CDKN2A: variants seen among roughly 807,000 people sequenced by gnomAD.
The protein encoded by CDKN2A is cyclin dependent kinase inhibitor 2A.
A neutral mutation model predicts 11.1 loss-of-function variants in CDKN2A; 3 were observed. The ratio of observed to expected loss-of-function variants is 0.27; its 90% CI spans 0.12 to 0.70. CDKN2A has a LOEUF of 0.70. CDKN2A is among the 30% of genes least tolerant of loss of function. The pLI is 0.77. For missense variants in CDKN2A, 265 were observed against 233.6 expected (o/e 1.13, Z -0.88); for synonymous variants, 122 against 108.1 (o/e 1.13, Z -0.80).
At position 21,971,500 on chromosome 9, in the gene CDKN2A, T is replaced by C. The variant is rs374415318; in HGVS notation, c.151-292A>G. The C allele has an allele frequency of 3.5e-5, 20 of 574,204 alleles. No individual in the cohort carries two copies. In the African/African-American group the frequency reaches 3.8e-4, roughly 11 times the overall value. 35.6% of individuals were successfully genotyped at this position (574,204 alleles called of 1,614,324 possible). A position where few individuals can be genotyped will look rare whatever the true frequency, so the allele number is the denominator to read the frequency against. On this transcript the variant is annotated intron_variant, in intron 1 of 2. Transcript: ENST00000304494. ...GGGGCAGGGACAGACTGACTTTTAC[T>C]CCAGGCTAACTTCCTGTATTTCCCC...
At position 21,968,770 on chromosome 9, in the gene CDKN2A, T is replaced by C; in HGVS notation, c.458-528A>G. 1.3e-6 allele frequency: 2 copies of C among 1,536,046 alleles called. No individual in the cohort carries two copies. The highest frequency in any genetic ancestry group is 1.7e-6 in the Non-Finnish European group (2 of 1,146,888). On this transcript the variant is annotated intron_variant, in intron 2 of 2. Transcript: ENST00000304494. This position sits in a 1 kb window ranked among gnomAD's most constrained non-coding sequence, Gnocchi z 4.7. ...AAACCCACAAATGGTTTCCGATCAT[T>C]TCTGAAACAAAATGGATGCTCATTT...
chr9:21,973,114 G>T (rs1388932967), intron 1 of CDKN2A, among the ~76,000 whole-genome samples: 4 of 152,098 alleles, frequency 2.6e-5, no homozygotes, highest in Admixed American at 2.0e-4. Flanking sequence ...ATTCAATGAA[G>T]TCCTTCGTCT....
At chr9:21,969,792 A>T (rs754174169) in intron 2 of CDKN2A, 1 of 397,404 alleles carries the variant, frequency 2.5e-6, no homozygotes, top group Non-Finnish European at 4.4e-6. Context: ...TGCTAGCTGT[A>T]ACTGGAGGGA....
At chr9:21,992,759 G>T (rs946552234) in intron 2 of CDKN2A, among the ~76,000 whole-genome samples, 4 of 151,506 alleles carry the variant, frequency 2.6e-5, no homozygotes, top group African/African-American at 7.3e-5. Flanking sequence ...TTTTTATATA[G>T]ACAATAATAT....
At position 21,988,599 on chromosome 9, in the gene CDKN2A, G is replaced by C. The variant is rs370637745; in HGVS notation, c.-4+5283C>G. Among the ~76,000 whole-genome samples the C allele has an allele frequency of 3.1e-4, 47 of 152,194 alleles. No homozygotes were observed. Among genetic ancestry groups the C allele is most frequent in the African/African-American group, 1.1e-3 (45 of 41,510 alleles). On this transcript the variant is annotated intron_variant, in intron 2 of 3. Transcript: ENST00000494262. The surrounding 1 kb of genome is among the most constrained non-coding windows in gnomAD (Gnocchi z 4.1). The stretch of plus-strand genomic sequence containing the variant: ...GAACAATAGACATTGGGGACTACTA[G>C]ATGGAGGAGAAAGGGAATGAGCGAG...
rs34968276 is a variant in CDKN2A, at chr9:21,971,110, G to A, written c.249C>T (p.His83=). The A allele has an allele frequency of 1.2e-6, 2 of 1,604,460 alleles. No homozygotes were observed. Among genetic ancestry groups the A allele is most frequent in the African/African-American group, 1.3e-5 (1 of 75,028 alleles). ...ADPATLTRPV[H]DAAREGFLDT... Reference sequence around the variant, plus strand: ...CCAGGAAGCCCTCCCGGGCAGCGTCGTGCACGGGTCGGGTGAGAGTGGCGG... The same window carrying A: ...CCAGGAAGCCCTCCCGGGCAGCGTCATGCACGGGTCGGGTGAGAGTGGCGG... The change falls in exon 2 of 3, where the codon CAC becomes CAT. Residue 83 remains histidine, a synonymous_variant. Transcript: ENST00000304494.
chr9:21,978,357 C>G (rs1820091426), upstream of CDKN2A, among the ~76,000 whole-genome samples: 1 of 151,896 alleles, frequency 6.6e-6, no homozygotes, highest in African/African-American at 2.4e-5. Flanking sequence ...CATTATACTC[C>G]CAGTTTACTC....
intron 1 of CDKN2A, chr9:21,994,425 A>G: frequency 3.8e-6 from 6 of 1,594,456 alleles, no homozygotes; most frequent in Non-Finnish European, 4.3e-6. Flanking sequence ...TTAACTGCAG[A>G]CTGGGACCCA....
intron 1 of CDKN2A, chr9:21,994,517 C>CCCCCA (rs1434133554): frequency 3.7e-6 from 5 of 1,339,396 alleles, no homozygotes; most frequent in African/African-American, 1.6e-5. Flanking sequence ...TTCACCCCCA[C>CCCCCA]CCCCACCCCA....
At chr9:21,976,844 C>G (rs1396030369), upstream of CDKN2A, among the ~76,000 whole-genome samples, 1 of 152,210 alleles carries the variant, frequency 6.6e-6, no homozygotes, top group Non-Finnish European at 1.5e-5. Context: ...GTATAACAAG[C>G]GCAAGGAGGT....
In CDKN2A at chr9:21,981,122, GTGTA is replaced by G. The variant is rs373080764; in HGVS notation, c.-3-9918_-3-9915del. 1.3e-3 allele frequency among the ~76,000 whole-genome samples: 7 copies of G among 5,548 alleles called. 2 individuals carry two copies. Among genetic ancestry groups the G allele is most frequent in the African/African-American group, 3.4e-3 (7 of 2,064 alleles). The allele number at this position is 5,548 out of a possible 152,430, so 3.6% of individuals were successfully genotyped here. On this transcript the variant is annotated intron_variant, in intron 2 of 3. Transcript: ENST00000494262. ...TATATACGTGTATATATATATATAC[GTGTA>G]TATATATATATACGTGTATATATAT... is the stretch of plus-strand genomic sequence containing the variant.
intron 2 of CDKN2A, among the ~76,000 whole-genome samples, chr9:21,986,415 TGAGTATAGTA>T (rs1820297756): frequency 6.6e-6 from 1 of 151,978 alleles, no homozygotes; most frequent in African/African-American, 2.4e-5. Context: ...GGCTGATGCT[TGAGTATAGTA>T]GAGGCCCAAA....
chr9:21,968,728 C>G lies in CDKN2A; in HGVS notation c.458-486G>C, dbSNP rs189127161. 3 of 1,536,184 alleles carry G rather than the reference C, an allele frequency of 2.0e-6. No homozygotes were observed. The highest frequency in any genetic ancestry group is 2.4e-5 in the East Asian group (1 of 40,912). ...TCGGCGGAATCCCGTAGCTTCCCTA[C>G]GCATGCCTGCTTCTACAAACCCACA... On this transcript the variant is annotated intron_variant, in intron 2 of 2. Transcript: ENST00000304494. The surrounding 1 kb of genome is among the most constrained non-coding windows in gnomAD (Gnocchi z 4.7).
intron 2 of CDKN2A, among the ~76,000 whole-genome samples, chr9:21,993,130 C>G (rs1820471246): frequency 6.6e-6 from 1 of 152,152 alleles, no homozygotes; most frequent in South Asian, 2.1e-4. Flanking sequence ...CTGGCCTTTG[C>G]TTTTTGAAGC....
At chr9:21,975,894 T>C (rs1820015534), upstream of CDKN2A, among the ~76,000 whole-genome samples, 1 of 152,162 alleles carries the variant, frequency 6.6e-6, no homozygotes, top group African/African-American at 2.4e-5. Context: ...ATACCTTGCA[T>C]TTTTCGTAAT....
chr9:21,968,653 G>C lies in CDKN2A; in HGVS notation c.458-411C>G, dbSNP rs111532782. On this transcript the variant is annotated intron_variant, in intron 2 of 2. Transcript: ENST00000304494. The surrounding 1 kb of genome is among the most constrained non-coding windows in gnomAD (Gnocchi z 4.7). ...GCATCTTTTGCACCTGGTGCGGAGT[G>C]AGCCAGCCAGCTTGCGATAACCAAA... The C allele has an allele frequency of 8.0e-3, 12,311 of 1,534,326 alleles. 58 individuals are homozygous for C. Among genetic ancestry groups the C allele is most frequent in the Non-Finnish European group, 9.8e-3 (11,172 of 1,145,768 alleles).
chr9:21,989,794 A>G (rs1308177169), intron 2 of CDKN2A: 2 of 152,120 alleles, frequency 1.3e-5, no homozygotes, highest in African/African-American at 4.8e-5. Flanking sequence ...TGAAATCCCA[A>G]TCGTCTTCCA....
upstream of CDKN2A, chr9:21,975,232 T>C (rs922515148): frequency 3.1e-6 from 3 of 979,250 alleles, no homozygotes; most frequent in East Asian, 1.8e-4. Context: ...CTCCCCCGCC[T>C]GCCAGCAAAG....
intron 1 of CDKN2A, chr9:21,994,498 C>T (rs1466650074): frequency 1.4e-6 from 2 of 1,421,032 alleles, no homozygotes; most frequent in South Asian, 1.4e-5. Context: ...AGCGCGCCCG[C>T]CCCCCACCTT....
Sources: allele counts gnomAD v4.1 joint callset (sites outside exome capture counted in the v4.1 genomes callset), GRCh38; gene constraint gnomAD v4.1.1; non-coding constraint Gnocchi (gnomAD v3.1); transcripts MANE v1.5; gene names NCBI Gene and HGNC (gene_info 2026-07-23, HGNC 2026-07-21).